The following PRKCB variants were observed in gnomAD, a reference collection of about 807,000 sequenced individuals.
PRKCB encodes the protein protein kinase C beta.
Under a neutral mutation model 81.5 loss-of-function variants are expected in PRKCB, and 13 were observed. That is an observed-to-expected ratio of 0.16 (90% CI 0.10 to 0.25). The LOEUF is 0.25. Ranked by LOEUF, PRKCB falls within the 10% of genes least tolerant of loss-of-function variation. The pLI, the probability that PRKCB is intolerant of heterozygous loss-of-function variation, is 1.00. For missense variants in PRKCB, 509 were observed against 875.7 expected, an observed-to-expected ratio of 0.58 and a Z score of 5.29; for synonymous variants, 335 against 321.4, an observed-to-expected ratio of 1.04 and a Z score of -0.45.
chr16:24,164,804 A>G (rs59147087), intron 10 of PRKCB, among the ~76,000 whole-genome samples: 3,645 of 152,272 alleles, frequency 0.024, 131 homozygotes, highest in African/African-American at 0.083. Flanking sequence ...TGATTTTCAT[A>G]TATTAGAGTC....
intron 2 of PRKCB, among the ~76,000 whole-genome samples, chr16:23,844,841 G>A (rs983790943): frequency 2.7e-5 from 4 of 150,876 alleles, no homozygotes; most frequent in East Asian, 3.9e-4. Flanking sequence ...TCACTCTTTC[G>A]CCCAGGCTGG....
At chr16:24,113,346 A>AC (rs922198083) in intron 8 of PRKCB, among the ~76,000 whole-genome samples, 1 of 114,000 alleles carries the variant, frequency 8.8e-6, no homozygotes, top group Non-Finnish European at 1.7e-5. Flanking sequence ...TGCTTTCTTT[A>AC]CCCCCCTTTT....
At position 23,946,268 on chromosome 16, in the gene PRKCB, T is replaced by C. The variant is rs1230910662; in HGVS notation, c.206-42240T>C. Among the ~76,000 whole-genome samples, 3 of 152,146 alleles carry C rather than the reference T, an allele frequency of 2.0e-5. No homozygotes were observed. The East Asian group carries it at 5.8e-4, about 29-fold the overall frequency. ...GCTGGCTAATTCTGCCTGGATAGTATTGAAGAGGAGCTTCATTCAGGGGCA... is the reference window on the plus strand; with the variant it reads ...GCTGGCTAATTCTGCCTGGATAGTACTGAAGAGGAGCTTCATTCAGGGGCA... On this transcript the variant is annotated intron_variant, in intron 2 of 16. Transcript: ENST00000643927.
chr16:23,918,569 G>A (rs1008894452), intron 2 of PRKCB, among the ~76,000 whole-genome samples: 1 of 151,856 alleles, frequency 6.6e-6, no homozygotes, highest in African/African-American at 2.4e-5. Flanking sequence ...ACTAATATTT[G>A]TATTTTTAGT....
At chr16:23,860,067 A>G (rs1216075100) in intron 2 of PRKCB, among the ~76,000 whole-genome samples, 3 of 152,118 alleles carry the variant, frequency 2.0e-5, no homozygotes, top group Non-Finnish European at 4.4e-5. Context: ...AGAAAAAAAG[A>G]GGAATTAGAC....
intron 2 of PRKCB, among the ~76,000 whole-genome samples, chr16:23,977,959 G>C (rs1239674413): frequency 6.6e-6 from 1 of 152,118 alleles, no homozygotes; most frequent in Admixed American, 6.6e-5. Flanking sequence ...TTTTTAGTAA[G>C]AATTAGGTAT....
chr16:24,026,400 A>T (rs1200979128), intron 3 of PRKCB, among the ~76,000 whole-genome samples: 1 of 152,218 alleles, frequency 6.6e-6, no homozygotes, highest in East Asian at 1.9e-4. Flanking sequence ...GACTGTTGAT[A>T]TGGAGAAAGG....
At chr16:24,099,191 C>T (rs1000501729) in intron 7 of PRKCB, 1 of 152,210 alleles carries the variant, frequency 6.6e-6, no homozygotes, top group Non-Finnish European at 1.5e-5. Context: ...CAATTTTACA[C>T]AGCACTGATC....
chr16:24,152,400 G>A (rs992486704), intron 9 of PRKCB, among the ~76,000 whole-genome samples: 1 of 152,148 alleles, frequency 6.6e-6, no homozygotes, highest in Admixed American at 6.5e-5. Flanking sequence ...AATTCAAGAC[G>A]AGATTTGGGT....
At chr16:23,957,003 AAAAG>A (rs1310726403) in intron 2 of PRKCB, among the ~76,000 whole-genome samples, 2 of 151,096 alleles carry the variant, frequency 1.3e-5, no homozygotes, top group Non-Finnish European at 3.0e-5. Context: ...AAAAAAAAAA[AAAAG>A]AATATTAGAG....
chr16:24,188,568 C>T (rs1188266799), intron 15 of PRKCB, among the ~76,000 whole-genome samples: 1 of 152,012 alleles, frequency 6.6e-6, no homozygotes, highest in East Asian at 1.9e-4. Context: ...ATGTCCATTC[C>T]CTTAAAGGCC....
intron 2 of PRKCB, among the ~76,000 whole-genome samples, chr16:23,919,110 GT>G (rs1206780489): frequency 6.6e-6 from 1 of 152,076 alleles, no homozygotes; most frequent in African/African-American, 2.4e-5. Flanking sequence ...AAATTAACAC[GT>G]ATTTTTTAAA....
intron 3 of PRKCB, among the ~76,000 whole-genome samples, chr16:24,031,436 A>G (rs1410450665): frequency 6.6e-6 from 1 of 152,186 alleles, no homozygotes; most frequent in Non-Finnish European, 1.5e-5. Context: ...ATGCATTTCC[A>G]TTTGAAGGGA....
chr16:24,194,483 C>T (rs1967850303), intron 16 of PRKCB, among the ~76,000 whole-genome samples: 1 of 152,148 alleles, frequency 6.6e-6, no homozygotes, highest in Admixed American at 6.5e-5. Context: ...GGTTTATAGC[C>T]TCAGGGGTAG....
At chr16:23,960,609 C>G (rs1964413065) in intron 2 of PRKCB, among the ~76,000 whole-genome samples, 1 of 152,172 alleles carries the variant, frequency 6.6e-6, no homozygotes, top group African/African-American at 2.4e-5. Context: ...AGCTATTCTT[C>G]CTGATGCTCT....
intron 5 of PRKCB, among the ~76,000 whole-genome samples, chr16:24,090,313 T>G (rs1435414655): frequency 6.6e-6 from 1 of 152,230 alleles, no homozygotes; most frequent in Non-Finnish European, 1.5e-5. Flanking sequence ...AGTTACAGCT[T>G]GATCCTGGTA....
At chr16:23,901,313 G>C (rs1414202971) in intron 2 of PRKCB, among the ~76,000 whole-genome samples, 1 of 151,984 alleles carries the variant, frequency 6.6e-6, no homozygotes, top group Non-Finnish European at 1.5e-5. Flanking sequence ...GTATCCTAAG[G>C]GTAAGTAGAC....
intron 2 of PRKCB, among the ~76,000 whole-genome samples, chr16:23,924,258 C>T (rs754003280): frequency 2.6e-5 from 4 of 152,064 alleles, no homozygotes; most frequent in Admixed American, 6.6e-5. Context: ...GCTTCCCCTT[C>T]GCCTTCTGTC....
chr16:24,156,219 A>C (rs1439268752), intron 10 of PRKCB, among the ~76,000 whole-genome samples: 5 of 151,954 alleles, frequency 3.3e-5, no homozygotes, highest in Non-Finnish European at 5.9e-5. Flanking sequence ...CTTTCTCTTT[A>C]TTTAATAGTT....
Sources: allele counts gnomAD v4.1 joint callset (sites outside exome capture counted in the v4.1 genomes callset), GRCh38; gene constraint gnomAD v4.1.1; transcripts MANE v1.5; gene names NCBI Gene and HGNC (gene_info 2026-07-23, HGNC 2026-07-21).